The following CSMD1 variants were observed in gnomAD, a reference collection of about 807,000 sequenced individuals.
The protein encoded by CSMD1 is CUB and Sushi multiple domains 1, also known as CUB and sushi domain-containing protein 1.
CSMD1 carries 213 observed loss-of-function variants against 417.5 expected under a neutral mutation model. That is an observed-to-expected ratio of 0.51 (90% CI 0.46 to 0.57). The LOEUF (loss-of-function observed/expected upper bound fraction) is 0.57, where lower values mean the gene tolerates loss of function less well. CSMD1 is among the 20% of genes least tolerant of loss of function. CSMD1 has a pLI of 0.00. For synonymous variants in CSMD1, 2,862 were observed against 1,736.8 expected, an observed-to-expected ratio of 1.65 and a Z score of -16.11; for missense variants, 6,923 against 4,529.7, an observed-to-expected ratio of 1.53 and a Z score of -15.17.
chr8:3,280,584 G>C (rs959018449), intron 26 of CSMD1, among the ~76,000 whole-genome samples: 1 of 152,126 alleles, frequency 6.6e-6, no homozygotes, highest in Non-Finnish European at 1.5e-5. Flanking sequence ...TTATTAACTA[G>C]TGATAGGGTT....
chr8:4,655,360 T>C (rs1227752002), intron 1 of CSMD1, among the ~76,000 whole-genome samples: 3 of 152,018 alleles, frequency 2.0e-5, no homozygotes, highest in Non-Finnish European at 4.4e-5. Flanking sequence ...GGTTTGAAAG[T>C]GGCTTCCAGG....
intron 7 of CSMD1, among the ~76,000 whole-genome samples, chr8:3,621,847 A>G (rs960555612): frequency 6.6e-6 from 1 of 151,846 alleles, no homozygotes; most frequent in Non-Finnish European, 1.5e-5. Flanking sequence ...GGGCTCAAAC[A>G]ATTCTCCCAC....
At chr8:3,589,606 T>A (rs1800758781) in intron 8 of CSMD1, among the ~76,000 whole-genome samples, 1 of 152,116 alleles carries the variant, frequency 6.6e-6, no homozygotes, top group Non-Finnish European at 1.5e-5. Context: ...AGTGTGGGTA[T>A]CAGGGGCTGG....
intron 2 of CSMD1, among the ~76,000 whole-genome samples, chr8:4,524,448 T>C (rs533812341): frequency 2.4e-4 from 36 of 152,198 alleles, no homozygotes; most frequent in Non-Finnish European, 4.3e-4. Flanking sequence ...GTGATGCTTG[T>C]GGCTGAAACA....
intron 23 of CSMD1, among the ~76,000 whole-genome samples, chr8:3,328,213 G>A (rs762060336): frequency 6.6e-6 from 1 of 152,202 alleles, no homozygotes; most frequent in Admixed American, 6.5e-5. Context: ...CTGTGTCTGA[G>A]CCTCTAATCT....
chr8:3,307,495 C>T (rs1804966881), intron 25 of CSMD1, among the ~76,000 whole-genome samples, 200 bp downstream of exon 25: 1 of 152,178 alleles, frequency 6.6e-6, no homozygotes, highest in South Asian at 2.1e-4. Context: ...TTTGGCTTTA[C>T]TATATAGAAC....
At chr8:3,002,423 A>G (rs1258089330) in intron 52 of CSMD1, among the ~76,000 whole-genome samples, 1 of 152,216 alleles carries the variant, frequency 6.6e-6, no homozygotes, top group East Asian at 1.9e-4. Flanking sequence ...AAGAGATCCC[A>G]GCCATTTCTG....
chr8:3,926,437 C>G (rs531060640), intron 5 of CSMD1, among the ~76,000 whole-genome samples: 1 of 149,496 alleles, frequency 6.7e-6, no homozygotes, highest in Non-Finnish European at 1.5e-5. Flanking sequence ...AATATAGAGT[C>G]TGTTATAAAT....
chr8:4,362,492 T>C (rs1391867431), intron 3 of CSMD1, among the ~76,000 whole-genome samples: 2 of 152,204 alleles, frequency 1.3e-5, no homozygotes, highest in South Asian at 2.1e-4. Context: ...CAGAGAACTC[T>C]TCCTCATTTG....
At chr8:4,463,781 T>G (rs1473874315) in intron 2 of CSMD1, among the ~76,000 whole-genome samples, 1 of 152,166 alleles carries the variant, frequency 6.6e-6, no homozygotes, top group Non-Finnish European at 1.5e-5. Context: ...TAATGGATAC[T>G]GGGTTTTTTG....
At chr8:4,022,353 T>C (rs1158285060) in intron 4 of CSMD1, among the ~76,000 whole-genome samples, 1 of 152,056 alleles carries the variant, frequency 6.6e-6, no homozygotes, top group Non-Finnish European at 1.5e-5. Flanking sequence ...GTGAATAGCA[T>C]ACTTAAAATC....
chr8:4,544,512 G>C (rs1024129946), intron 2 of CSMD1, among the ~76,000 whole-genome samples: 4 of 151,814 alleles, frequency 2.6e-5, no homozygotes, highest in South Asian at 2.1e-4. Context: ...TGTTACATTG[G>C]GATCCACTGC....
At chr8:3,697,972 A>C (rs540633371) in intron 7 of CSMD1, among the ~76,000 whole-genome samples, 1 of 152,300 alleles carries the variant, frequency 6.6e-6, no homozygotes, top group East Asian at 1.9e-4. Context: ...TTTTACTTCT[A>C]TGGTTACAAT....
chr8:4,455,769 A>G (rs1350038648), intron 2 of CSMD1, among the ~76,000 whole-genome samples: 1 of 151,304 alleles, frequency 6.6e-6, no homozygotes, highest in Non-Finnish European at 1.5e-5. Context: ...CGTCTCTACT[A>G]AAAATACAAA....
intron 26 of CSMD1, among the ~76,000 whole-genome samples, chr8:3,265,784 G>T (rs1028909682): frequency 6.6e-6 from 1 of 152,066 alleles, no homozygotes; most frequent in Non-Finnish European, 1.5e-5. Context: ...CTTTGATGCA[G>T]TTGCACCCTC....
intron 12 of CSMD1, among the ~76,000 whole-genome samples, chr8:3,425,818 A>G (rs1434763663): frequency 2.6e-5 from 4 of 152,094 alleles, no homozygotes; most frequent in Non-Finnish European, 5.9e-5. Flanking sequence ...ATTCACGTAT[A>G]TTGACATTGA....
chr8:4,290,497 A>AC (rs1797302218), intron 3 of CSMD1, among the ~76,000 whole-genome samples: 2 of 152,166 alleles, frequency 1.3e-5, no homozygotes, highest in African/African-American at 2.4e-5. Context: ...TCATAGCATG[A>AC]GAAAAAAAGG....
intron 3 of CSMD1, among the ~76,000 whole-genome samples, chr8:4,195,334 G>A (rs543474242): frequency 1.3e-5 from 2 of 152,210 alleles, no homozygotes; most frequent in South Asian, 2.1e-4. Context: ...CTATAGAACA[G>A]GATAAGTTAA....
At chr8:3,522,111 C>G (rs879883067) in intron 10 of CSMD1, among the ~76,000 whole-genome samples, 23 of 152,046 alleles carry the variant, frequency 1.5e-4, no homozygotes, top group Admixed American at 1.3e-3. Flanking sequence ...TTTTTTAACC[C>G]TCAATTCTGT....
Sources: gnomAD v4.1 joint callset for allele counts (sites outside exome capture counted in the v4.1 genomes callset) on GRCh38, gnomAD v4.1.1 for gene constraint, MANE v1.5 for transcripts, NCBI Gene and HGNC (gene_info 2026-07-23, HGNC 2026-07-21) for gene names.